RUNX2: variants seen among roughly 807,000 people sequenced by gnomAD.
The protein encoded by RUNX2 is runt-related transcription factor 2.
In RUNX2, 10 loss-of-function variants were observed where a neutral mutation model predicts 51.7. That is an observed-to-expected ratio of 0.19 (90% CI 0.12 to 0.33). The LOEUF (loss-of-function observed/expected upper bound fraction) is 0.33. RUNX2 is among the 10% of genes least tolerant of loss of function. RUNX2 has a pLI of 1.00. For missense variants in RUNX2, 562 were observed against 691.3 expected, an observed-to-expected ratio of 0.81 and a Z score of 2.10; for synonymous variants, 276 against 273.6, an observed-to-expected ratio of 1.01 and a Z score of -0.09.
At chr6:45,412,386 C>CCAAA (rs1797970446) in intron 2 of RUNX2, among the ~76,000 whole-genome samples, 1 of 150,948 alleles carries the variant, frequency 6.6e-6, no homozygotes, top group Non-Finnish European at 1.5e-5. Context: ...CAAAACCCCC[C>CCAAA]AAAAAAAAGA....
At chr6:45,436,865 A>G (rs1230177429) in intron 4 of RUNX2, among the ~76,000 whole-genome samples, 1 of 152,214 alleles carries the variant, frequency 6.6e-6, no homozygotes, top group Non-Finnish European at 1.5e-5. Flanking sequence ...TCTGACCAAA[A>G]AACAAAGCAA....
At chr6:45,512,225 T>A in intron 6 of RUNX2, 21 bp from the exon 7 acceptor site, 1 of 1,611,970 alleles carries the variant, frequency 6.2e-7, no homozygotes, top group South Asian at 1.1e-5. Flanking sequence ...TACTAAAGAT[T>A]TTTCTTTTTC....
chr6:45,549,006 G>T lies in RUNX2; in HGVS notation c.*1701G>T, dbSNP rs935432296. The T allele has an allele frequency of 2.5e-6, 1 of 397,756 alleles. No homozygotes were observed. The highest frequency in any genetic ancestry group is 4.4e-6 in the Non-Finnish European group (1 of 225,936). The allele number at this position is 397,756 out of a possible 1,614,324, so 24.6% of individuals were successfully genotyped here. A position where few individuals can be genotyped will look rare whatever the true frequency, so the allele number is the denominator to read the frequency against. ...GACCTACAGACAGCCTTTGACATTTGTATTTCTTACAATGGAGGGCCAAGG... is the reference window on the plus strand; with the variant it reads ...GACCTACAGACAGCCTTTGACATTTTTATTTCTTACAATGGAGGGCCAAGG... On this transcript the variant is annotated 3_prime_UTR_variant, in exon 9 of 9. Coordinates refer to ENST00000647337, the MANE Select transcript of RUNX2 (RefSeq NM_001024630.4).
chr6:45,541,413 T>TA (rs936638691), intron 7 of RUNX2, among the ~76,000 whole-genome samples: 2 of 152,058 alleles, frequency 1.3e-5, no homozygotes, highest in African/African-American at 4.8e-5. Context: ...CCAAAACGTT[T>TA]AAAAGGGGGA....
At chr6:45,342,002 A>T (rs1789876106) in intron 2 of RUNX2, among the ~76,000 whole-genome samples, 1 of 150,330 alleles carries the variant, frequency 6.7e-6, no homozygotes, top group South Asian at 2.1e-4. Context: ...ACCTAGCATT[A>T]AAAAAAAACG....
At chr6:45,465,565 A>G (rs915449177) in intron 5 of RUNX2, among the ~76,000 whole-genome samples, 4 of 151,942 alleles carry the variant, frequency 2.6e-5, no homozygotes, top group African/African-American at 9.7e-5. Flanking sequence ...ATGTTTTAGA[A>G]ATTTGCCTTC....
intron 2 of RUNX2, among the ~76,000 whole-genome samples, chr6:45,377,075 G>T (rs540750594): frequency 6.6e-6 from 1 of 150,768 alleles, no homozygotes; most frequent in African/African-American, 2.4e-5. Context: ...GAGACCAAGT[G>T]TCCTGATTCT....
chr6:45,351,501 C>A (rs1376496597), intron 2 of RUNX2, among the ~76,000 whole-genome samples: 1 of 152,118 alleles, frequency 6.6e-6, no homozygotes, highest in Non-Finnish European at 1.5e-5. Flanking sequence ...CCACAGCACA[C>A]AGAAAGGAAA....
chr6:45,403,388 C>T (rs1426492987), intron 2 of RUNX2, among the ~76,000 whole-genome samples: 1 of 152,016 alleles, frequency 6.6e-6, no homozygotes, highest in Non-Finnish European at 1.5e-5. Flanking sequence ...CATGAGCCAC[C>T]ATGCCCAGCT....
intron 7 of RUNX2, among the ~76,000 whole-genome samples, chr6:45,515,923 C>A (rs1450408390): frequency 6.6e-6 from 1 of 152,162 alleles, no homozygotes; most frequent in African/African-American, 2.4e-5. Context: ...CCAGAAAGAA[C>A]TGTTCCAAAA....
intron 2 of RUNX2, among the ~76,000 whole-genome samples, chr6:45,352,479 T>C (rs1187981490): frequency 6.6e-6 from 1 of 152,112 alleles, no homozygotes; most frequent in Non-Finnish European, 1.5e-5. Context: ...TGCTGGAGTC[T>C]GGTATGACAG....
intron 5 of RUNX2, among the ~76,000 whole-genome samples, chr6:45,481,520 T>C (rs1800113862): frequency 6.6e-6 from 1 of 152,152 alleles, no homozygotes; most frequent in South Asian, 2.1e-4. Flanking sequence ...AGTGTAGACA[T>C]AGAGAAAGAG....
intron 7 of RUNX2, among the ~76,000 whole-genome samples, chr6:45,540,219 C>T (rs889395743): frequency 1.3e-5 from 2 of 152,194 alleles, no homozygotes; most frequent in African/African-American, 4.8e-5. Flanking sequence ...CCCTTCATTA[C>T]AGAATTGCTC....
intron 5 of RUNX2, among the ~76,000 whole-genome samples, chr6:45,485,219 C>T (rs1323591187): frequency 7.7e-5 from 11 of 142,572 alleles, no homozygotes; most frequent in African/African-American, 1.6e-4. Flanking sequence ...TTTTTTGAGA[C>T]GGAGTTTTGC....
At chr6:45,360,540 GCT>G (rs1358900910) in intron 2 of RUNX2, among the ~76,000 whole-genome samples, 1 of 152,016 alleles carries the variant, frequency 6.6e-6, no homozygotes, top group Non-Finnish European at 1.5e-5. Context: ...ACATATCAGG[GCT>G]CTCTAAAGTC....
intron 5 of RUNX2, among the ~76,000 whole-genome samples, chr6:45,489,705 T>G (rs1800398816): frequency 1.5e-5 from 2 of 137,742 alleles, no homozygotes; most frequent in Non-Finnish European, 2.9e-5. Context: ...TGCATGTGTG[T>G]GTCTGTGTGT....
At chr6:45,521,613 A>T (rs1211767061) in intron 7 of RUNX2, among the ~76,000 whole-genome samples, 4 of 152,258 alleles carry the variant, frequency 2.6e-5, no homozygotes, top group Non-Finnish European at 1.5e-5. Context: ...AAGCACAGCT[A>T]TTCCTCTACA....
intron 2 of RUNX2, among the ~76,000 whole-genome samples, chr6:45,367,321 T>C (rs1795306668): frequency 6.6e-6 from 1 of 152,020 alleles, no homozygotes; most frequent in Non-Finnish European, 1.5e-5. Context: ...CTAAAACATA[T>C]GAAGAACATA....
chr6:45,413,516 T>A (rs1030707912), intron 2 of RUNX2, among the ~76,000 whole-genome samples: 1 of 144,858 alleles, frequency 6.9e-6, no homozygotes, highest in Non-Finnish European at 1.5e-5. Flanking sequence ...CTGCAACATT[T>A]GCCTCCTGGG....
Sources: allele counts gnomAD v4.1 joint callset (sites outside exome capture counted in the v4.1 genomes callset), GRCh38; gene constraint gnomAD v4.1.1; transcripts MANE v1.5; gene names NCBI Gene and HGNC (gene_info 2026-07-23, HGNC 2026-07-21).